Variants in ATP2A2 observed in about 807,000 individuals in gnomAD.
The protein encoded by ATP2A2 is sarcoplasmic/endoplasmic reticulum calcium ATPase 2.
In ATP2A2, 14 loss-of-function variants were observed where a neutral mutation model predicts 109.3. The observed-to-expected ratio is 0.13, with a 90% CI of 0.08 to 0.20. ATP2A2 has a LOEUF of 0.20. ATP2A2 is among the 10% of genes least tolerant of loss of function. The pLI is 1.00. For missense variants in ATP2A2, 657 were observed against 1,321.6 expected (o/e 0.50, Z 7.80); for synonymous variants, 506 against 490.9 (o/e 1.03, Z -0.41).
chr12:110,286,643 T>G (rs1000540052), intron 3 of ATP2A2, among the ~76,000 whole-genome samples: 2 of 152,076 alleles, frequency 1.3e-5, no homozygotes, highest in Non-Finnish European at 2.9e-5. Context: ...ATCGTAACGT[T>G]TATTGGTAAT....
At chr12:110,311,732 TAAA>T (rs74429533) in intron 5 of ATP2A2, among the ~76,000 whole-genome samples, 200 of 138,730 alleles carry the variant, frequency 1.4e-3, no homozygotes, top group African/African-American at 4.7e-3. Context: ...GAGAATTGTT[TAAA>T]AAAAAAAAAA....
At chr12:110,338,534 T>C (rs1446963716) in intron 11 of ATP2A2, among the ~76,000 whole-genome samples, 1 of 152,216 alleles carries the variant, frequency 6.6e-6, no homozygotes, top group East Asian at 1.9e-4. Flanking sequence ...CTCATCTCAC[T>C]GGAATCTCTG....
chr12:110,325,059 C>T (rs919914852), intron 6 of ATP2A2, among the ~76,000 whole-genome samples: 8 of 149,788 alleles, frequency 5.3e-5, no homozygotes, highest in East Asian at 4.0e-4. Flanking sequence ...AGTGATCGCC[C>T]GCCTCAAACC....
chr12:110,349,909 A>G lies in ATP2A2; in HGVS notation c.*3439A>G. The G allele has an allele frequency of 9.0e-7, 1 of 1,115,224 alleles. No homozygotes were observed. The highest frequency in any genetic ancestry group is 4.5e-5 in the Admixed American group (1 of 22,424). The allele number at this position is 1,115,224 out of a possible 1,614,324, so 69.1% of individuals were successfully genotyped here. On this transcript the variant is annotated 3_prime_UTR_variant, in exon 20 of 20. Coordinates refer to ENST00000539276, the MANE Select transcript of ATP2A2 (RefSeq NM_170665.4). ...GGGTGCCCACAGGGCAGGGACAGGA[A>G]GGCTGTGCTGCTACTGGCTGCTCAC...
intron 11 of ATP2A2, 200 bp downstream of exon 11, chr12:110,334,343 C>G: frequency 1.4e-6 from 1 of 711,284 alleles, no homozygotes. Context: ...CAATCAATAG[C>G]TAATTTCCTT....
At chr12:110,300,341 C>T (rs1874479748) in intron 5 of ATP2A2, among the ~76,000 whole-genome samples, 1 of 144,968 alleles carries the variant, frequency 6.9e-6, no homozygotes, top group African/African-American at 2.6e-5. Flanking sequence ...GCACATGACA[C>T]CATGCCCAGC....
chr12:110,307,204 TCC>T (rs1875441049), intron 5 of ATP2A2, among the ~76,000 whole-genome samples: 1 of 143,862 alleles, frequency 7.0e-6, no homozygotes, highest in African/African-American at 2.6e-5. Context: ...GTATAAGTGT[TCC>T]CCCCAGCCCC....
At chr12:110,334,298 T>C in intron 11 of ATP2A2, 155 bp downstream of exon 11, 1 of 945,016 alleles carries the variant, frequency 1.1e-6, no homozygotes, top group Admixed American at 2.0e-5. Flanking sequence ...TCAGGTAAGA[T>C]GCTCTTCCTG....
intron 5 of ATP2A2, among the ~76,000 whole-genome samples, chr12:110,319,012 A>C (rs917971015): frequency 2.0e-5 from 3 of 152,054 alleles, no homozygotes; most frequent in Non-Finnish European, 4.4e-5. Flanking sequence ...TAATTTTTCT[A>C]GTGTATTTGT....
Position 110,281,799 on chromosome 12 carries a change from G to A in ATP2A2, c.10G>A (p.Ala4Thr). 6.6e-7 allele frequency: 1 copy of A among 1,523,822 alleles called. No homozygotes were observed. The highest frequency in any genetic ancestry group is 2.6e-5 in the East Asian group (1 of 38,082). The allele number at this position is 1,523,822 out of a possible 1,614,324, so 94.4% of individuals were successfully genotyped here. A position where few individuals can be genotyped will look rare whatever the true frequency, so the allele number is the denominator to read the frequency against. ...CCGGGCCCCCGAAGCCATGGAGAAC[G>A]CGCACACCAAGACGGTGGAGGAGGT... Reference protein sequence around the residue: MENAHTKTVEEVLG... With the variant: MENTHTKTVEEVLG... Residue 4 changes from alanine (A) to threonine (T), a missense_variant, in exon 1 of 20, where the codon GCG becomes ACG. Around this residue, in one of 9 missense-constraint regions of ATP2A2, gnomAD observed 64 missense variants for 65.4 expected, o/e 0.98. Transcript: ENST00000539276.
At chr12:110,344,148 C>T (rs920855744) in intron 16 of ATP2A2, among the ~76,000 whole-genome samples, 3 of 152,132 alleles carry the variant, frequency 2.0e-5, no homozygotes, top group African/African-American at 7.2e-5. Flanking sequence ...TTGTCAGATC[C>T]TTCCATATCC....
intron 18 of ATP2A2, 193 bp from the exon 19 acceptor site, chr12:110,345,808 A>T (rs1323003900): frequency 4.1e-5 from 28 of 675,810 alleles, no homozygotes; most frequent in South Asian, 2.0e-4. Context: ...CAAAACATAG[A>T]TACAGAATTC....
chr12:110,281,350 G>GCGCGC lies in ATP2A2; in HGVS notation c.-434_-430dup, dbSNP rs1312546826. ...GTGCGGCGCTGAGGGACCCGGGCGAGCGCGCCGCGCACCGCCCCGCCGGCT... is the reference window on the plus strand; with the variant it reads ...GTGCGGCGCTGAGGGACCCGGGCGAGCGCGCCGCGCCGCGCACCGCCCCGCCGGCT... On this transcript the variant is annotated 5_prime_UTR_variant, in exon 1 of 20. Coordinates refer to ENST00000539276, the MANE Select transcript of ATP2A2 (RefSeq NM_170665.4). 1.3e-5 allele frequency: 2 copies of GCGCGC among 151,658 alleles called. No homozygotes were observed. The highest frequency in any genetic ancestry group is 2.9e-5 in the Non-Finnish European group (2 of 67,898). The allele number at this position is 151,658 out of a possible 1,614,324, so 9.4% of individuals were successfully genotyped here.
chr12:110,297,455 G>A (rs1198421729), intron 5 of ATP2A2, among the ~76,000 whole-genome samples: 3 of 147,980 alleles, frequency 2.0e-5, no homozygotes, highest in Non-Finnish European at 4.5e-5. Context: ...AAAAAAAACA[G>A]TATGCTTAAA....
At chr12:110,312,975 C>T (rs1876254077) in intron 5 of ATP2A2, among the ~76,000 whole-genome samples, 3 of 151,928 alleles carry the variant, frequency 2.0e-5, no homozygotes, top group African/African-American at 2.4e-5. Flanking sequence ...AACGGATAAG[C>T]AGAAGAGCAA....
chr12:110,335,338 G>T, intron 11 of ATP2A2, among the ~76,000 whole-genome samples: 1 of 152,182 alleles, frequency 6.6e-6, no homozygotes, highest in Non-Finnish European at 1.5e-5. Flanking sequence ...TCAAAAGACT[G>T]GTCCCCCTGC....
chr12:110,346,515 T>G lies in ATP2A2; in HGVS notation c.*45T>G, dbSNP rs1879880013. ...AAGATGTTTAACTTAATCAATTAAT[T>G]TTTTTATTGTTTAAAGCAACTGTCT... is the stretch of plus-strand genomic sequence containing the variant. On this transcript the variant is annotated 3_prime_UTR_variant, in exon 20 of 20. Transcript: ENST00000539276. 1 of 1,610,058 alleles carries G rather than the reference T, an allele frequency of 6.2e-7. No homozygotes were observed. The highest frequency in any genetic ancestry group is 1.3e-5 in the African/African-American group (1 of 74,734).
chr12:110,335,043 G>A (rs1246204416), intron 11 of ATP2A2, among the ~76,000 whole-genome samples: 1 of 152,092 alleles, frequency 6.6e-6, no homozygotes, highest in Non-Finnish European at 1.5e-5. Flanking sequence ...GCCTTTTTCT[G>A]CCTGTCAGAG....
intron 3 of ATP2A2, among the ~76,000 whole-genome samples, chr12:110,289,175 C>G (rs1872991783): frequency 6.6e-6 from 1 of 152,216 alleles, no homozygotes; most frequent in South Asian, 2.1e-4. Flanking sequence ...GAGGGAAATT[C>G]ATACCCACTT....
Sources: gnomAD v4.1 joint callset for allele counts (sites outside exome capture counted in the v4.1 genomes callset) on GRCh38, gnomAD v4.1.1 for gene constraint, gnomAD v4.1.1 regional missense constraint, MANE v1.5 for transcripts, NCBI Gene and HGNC (gene_info 2026-07-23, HGNC 2026-07-21) for gene names.